AFAP1L1: variants seen among roughly 807,000 people sequenced by gnomAD.
AFAP1L1 encodes actin filament associated protein 1 like 1, also known as actin filament-associated protein 1-like 1.
A neutral mutation model predicts 99.8 loss-of-function variants in AFAP1L1; 77 were observed. The ratio of observed to expected loss-of-function variants is 0.77; its 90% CI spans 0.64 to 0.93. The LOEUF (loss-of-function observed/expected upper bound fraction) is 0.93, where lower values mean the gene tolerates loss of function less well. AFAP1L1 is among the 40% of genes least tolerant of loss of function. The pLI, the probability that AFAP1L1 is intolerant of heterozygous loss-of-function variation, is 0.00. For synonymous variants in AFAP1L1, 373 were observed against 395.3 expected (o/e 0.94, Z 0.67); for missense variants, 893 against 996.8 (o/e 0.90, Z 1.40).
At chr5:149,300,156 G>C (rs758767707) in intron 2 of AFAP1L1, 115 bp from the exon 3 acceptor site, 1 of 654,368 alleles carries the variant, frequency 1.5e-6, no homozygotes, top group Non-Finnish European at 2.6e-6. Flanking sequence ...TTTAGGACTT[G>C]AATGCGCTTT....
intron 11 of AFAP1L1, 93 bp downstream of exon 11, chr5:149,316,396 C>T: frequency 2.0e-6 from 3 of 1,475,542 alleles, no homozygotes; most frequent in African/African-American, 2.8e-5. Context: ...TCGTCCACCT[C>T]ACCCCCAGGG....
rs1757583286 is a variant in AFAP1L1 at position 149,342,464 on chromosome 5, C to T, written c.*2434C>T. Among the ~76,000 whole-genome samples, 1 of 152,158 alleles carries T rather than the reference C, an allele frequency of 6.6e-6. No homozygotes were observed. Among genetic ancestry groups the T allele is most frequent in the Non-Finnish European group, 1.5e-5 (1 of 68,026 alleles). On this transcript the variant is annotated 3_prime_UTR_variant, in exon 19 of 19. Coordinates refer to ENST00000296721, the MANE Select transcript of AFAP1L1 (RefSeq NM_152406.4). ...TCTATGTCATCCATATATCTCCCTC[C>T]CCTTGTACTGCAACATTCAGAAGCA...
In AFAP1L1 at chr5:149,327,118, G is replaced by A. The variant is rs938828968; in HGVS notation, c.1811-2548G>A. Among the ~76,000 whole-genome samples the A allele has an allele frequency of 2.9e-5, 4 of 136,346 alleles. 1 individual carries two copies. Among genetic ancestry groups the A allele is most frequent in the African/African-American group, 8.5e-5 (3 of 35,352 alleles). 89.4% of individuals were successfully genotyped at this position (136,346 alleles called of 152,430 possible). A position where few individuals can be genotyped will look rare whatever the true frequency, so the allele number is the denominator to read the frequency against. Reference sequence around the variant, plus strand: ...AAATCAAGCAACAGAAACTGCCTGAGAGAGGGCCCAAATGTAGAATTTAAC... The same window carrying A: ...AAATCAAGCAACAGAAACTGCCTGAAAGAGGGCCCAAATGTAGAATTTAAC... On this transcript the variant is annotated intron_variant, in intron 15 of 18. Coordinates refer to ENST00000296721, the MANE Select transcript of AFAP1L1 (RefSeq NM_152406.4).
At chr5:149,292,646 G>A (rs1275007241) in intron 1 of AFAP1L1, among the ~76,000 whole-genome samples, 2 of 152,222 alleles carry the variant, frequency 1.3e-5, no homozygotes, top group African/African-American at 2.4e-5. Context: ...ACTTATAAAC[G>A]ATGATTAGTC....
intron 9 of AFAP1L1, chr5:149,312,416 T>G: frequency 1.6e-6 from 1 of 617,824 alleles, no homozygotes; most frequent in Non-Finnish European, 3.0e-6. Context: ...CAAAGTGCAG[T>G]ACAAGCCAGA....
chr5:149,278,057 C>G (rs145145048), intron 1 of AFAP1L1, among the ~76,000 whole-genome samples: 1 of 152,310 alleles, frequency 6.6e-6, no homozygotes, highest in African/African-American at 2.4e-5. Context: ...TTCCTCCCTC[C>G]CACCCTCTGC....
chr5:149,337,225 T>C (rs1368983658), intron 18 of AFAP1L1, among the ~76,000 whole-genome samples: 1 of 152,162 alleles, frequency 6.6e-6, no homozygotes, highest in Non-Finnish European at 1.5e-5. Flanking sequence ...GGGGATCTAA[T>C]GTACAGAATC....
At chr5:149,307,272 A>C in intron 6 of AFAP1L1, 130 bp from the exon 7 acceptor site, 4 of 930,824 alleles carry the variant, frequency 4.3e-6, no homozygotes, top group Non-Finnish European at 6.7e-6. Flanking sequence ...GGCCTTAGTC[A>C]TTACCAGTGT....
At chr5:149,296,750 C>T (rs1756031118) in intron 1 of AFAP1L1, among the ~76,000 whole-genome samples, 1 of 152,150 alleles carries the variant, frequency 6.6e-6, no homozygotes, top group Non-Finnish European at 1.5e-5. Context: ...TGTTTTCATG[C>T]TGCTAATAAA....
chr5:149,299,143 T>A (rs1056447201), intron 1 of AFAP1L1, among the ~76,000 whole-genome samples: 1 of 151,982 alleles, frequency 6.6e-6, no homozygotes, highest in African/African-American at 2.4e-5. Context: ...CGAGCTGCAG[T>A]GAGAAAGGAC....
At chr5:149,274,562 T>C (rs1017427730) in intron 1 of AFAP1L1, among the ~76,000 whole-genome samples, 14 of 152,152 alleles carry the variant, frequency 9.2e-5, no homozygotes, top group African/African-American at 3.4e-4. Context: ...TCTGCATGCA[T>C]TTTTAAGATA....
At chr5:149,326,454 G>A (rs774568268) in intron 15 of AFAP1L1, among the ~76,000 whole-genome samples, 3 of 150,844 alleles carry the variant, frequency 2.0e-5, no homozygotes, top group East Asian at 1.9e-4. Context: ...CACAAGAATC[G>A]CTTGAACCCA....
chr5:149,313,728 T>C (rs1561676491), intron 9 of AFAP1L1, among the ~76,000 whole-genome samples: 1 of 152,230 alleles, frequency 6.6e-6, no homozygotes, highest in Non-Finnish European at 1.5e-5. Flanking sequence ...CACGGACTTA[T>C]AAATGCCAAG....
At chr5:149,282,235 G>A (rs775443434) in intron 1 of AFAP1L1, among the ~76,000 whole-genome samples, 91 of 152,184 alleles carry the variant, frequency 6.0e-4, no homozygotes, top group Non-Finnish European at 1.1e-3. Context: ...TGGACAGCAC[G>A]CCTCACAGGA....
At chr5:149,272,184 G>A (rs1434439405) in intron 1 of AFAP1L1, among the ~76,000 whole-genome samples, 200 bp downstream of exon 1, 1 of 152,216 alleles carries the variant, frequency 6.6e-6, no homozygotes, top group African/African-American at 2.4e-5. Flanking sequence ...GTCAACGCCC[G>A]TGTCCTGGGG....
rs769879007 is a variant in AFAP1L1 at position 149,299,465 on chromosome 5, G to A, written c.17-44G>A. ...GGGCCGAACTCCCGGGCACAGAGCT[G>A]TGACTGTGCAGCTGTGACTGTGCCC... On this transcript the variant is annotated intron_variant, in intron 1 of 18. Transcript: ENST00000296721. 5 of 1,610,010 alleles carry A rather than the reference G, an allele frequency of 3.1e-6. No individual in the cohort carries two copies. In the African/African-American group the frequency reaches 5.3e-5, roughly 17 times the overall value.
chr5:149,336,447 G>A (rs1215799886), intron 18 of AFAP1L1, among the ~76,000 whole-genome samples: 1 of 152,146 alleles, frequency 6.6e-6, no homozygotes, highest in Non-Finnish European at 1.5e-5. Flanking sequence ...GACCTGTCCT[G>A]GTCCATTTTT....
At chr5:149,332,382 C>T (rs1350514535) in intron 16 of AFAP1L1, among the ~76,000 whole-genome samples, 10 of 139,086 alleles carry the variant, frequency 7.2e-5, no homozygotes, top group Non-Finnish European at 1.3e-4. Context: ...GGCGACAGAG[C>T]GAGACTCCGT....
At chr5:149,334,382 A>G (rs1314280901) in intron 17 of AFAP1L1, among the ~76,000 whole-genome samples, 1 of 152,208 alleles carries the variant, frequency 6.6e-6, no homozygotes, top group Admixed American at 6.5e-5. Flanking sequence ...GCTTCCTCCC[A>G]CCAGCATGAC....
Sources: allele counts gnomAD v4.1 joint callset (sites outside exome capture counted in the v4.1 genomes callset), GRCh38; gene constraint gnomAD v4.1.1; transcripts MANE v1.5; gene names NCBI Gene and HGNC (gene_info 2026-07-23, HGNC 2026-07-21).